The following KANK1 variants were observed in gnomAD, a reference collection of about 807,000 sequenced individuals.
KANK1 encodes KN motif and ankyrin repeat domain-containing protein 1.
KANK1 carries 109 observed loss-of-function variants against 106.2 expected under a neutral mutation model. The observed-to-expected ratio is 1.03, with a 90% CI of 0.88 to 1.20. KANK1 has a LOEUF of 1.20. Ranked by LOEUF, KANK1 falls within the 50% of genes most tolerant of loss-of-function variation. KANK1 has a pLI of 0.00. For synonymous variants in KANK1, 873 were observed against 652.2 expected, an observed-to-expected ratio of 1.34 and a Z score of -5.16; for missense variants, 2,399 against 1,710.7, an observed-to-expected ratio of 1.40 and a Z score of -7.10.
chr9:651,942 T>C (rs1840969997), intron 1 of KANK1, among the ~76,000 whole-genome samples: 1 of 152,218 alleles, frequency 6.6e-6, no homozygotes, highest in South Asian at 2.1e-4. Flanking sequence ...CTGGGATTTT[T>C]GAAACATTGT....
rs1564092313 is a variant in KANK1, at chr9:727,679, C to CGTGTGTGT, written c.2699-2372_2699-2371insGTGTGTGT. Among the ~76,000 whole-genome samples, 575 of 121,898 alleles carry CGTGTGTGT rather than the reference C, an allele frequency of 4.7e-3. 7 individuals are homozygous for CGTGTGTGT. Among genetic ancestry groups the CGTGTGTGT allele is most frequent in the East Asian group, 0.043 (175 of 4,066 alleles). The allele number at this position is 121,898 out of a possible 152,430, so 80.0% of individuals were successfully genotyped here. A position where few individuals can be genotyped will look rare whatever the true frequency, so the allele number is the denominator to read the frequency against. On this transcript the variant is annotated intron_variant, in intron 3 of 11. Transcript: ENST00000382297. Reference sequence around the variant, plus strand: ...TTTAGCACAGAGTCAGATAACTTTTCATGTGTGTGTGTGTGTGTGTGTGTG... The same window carrying CGTGTGTGT: ...TTTAGCACAGAGTCAGATAACTTTTCGTGTGTGTATGTGTGTGTGTGTGTGTGTGTGTG...
At chr9:620,485 C>T (rs181402525) in intron 1 of KANK1, among the ~76,000 whole-genome samples, 2 of 152,118 alleles carry the variant, frequency 1.3e-5, no homozygotes, top group Non-Finnish European at 2.9e-5. Context: ...TCACGGCAAC[C>T]TACACCTCCC....
intron 2 of KANK1, among the ~76,000 whole-genome samples, chr9:689,654 T>G (rs1819412010): frequency 6.6e-6 from 1 of 152,186 alleles, no homozygotes. Flanking sequence ...GCCTTGGTGC[T>G]GTGGAAAGGG....
intron 1 of KANK1, among the ~76,000 whole-genome samples, chr9:568,585 G>C (rs189622351): frequency 6.6e-6 from 1 of 152,102 alleles, no homozygotes; most frequent in Admixed American, 6.6e-5. Context: ...AAACTCCTGG[G>C]CTCAAGCTAT....
chr9:582,973 C>G (rs1822542519), intron 1 of KANK1, among the ~76,000 whole-genome samples: 1 of 152,160 alleles, frequency 6.6e-6, no homozygotes, highest in African/African-American at 2.4e-5. Flanking sequence ...GCCTTGGCTC[C>G]TAGCCAAAAA....
In KANK1 at chr9:527,597, G is replaced by A. The variant is rs1001978683; in HGVS notation, c.-84+22843G>A. Among the ~76,000 whole-genome samples the A allele has an allele frequency of 4.6e-5, 7 of 151,606 alleles. 1 individual carries two copies. In the East Asian group the frequency reaches 5.8e-4, roughly 13 times the overall value. On this transcript the variant is annotated intron_variant, in intron 1 of 11. Transcript: ENST00000382297. ...ATTACAGGTGTAAGCCACTACACTC[G>A]GCTGCTCTCTGGTCTTGGTAGAGAG...
chr9:510,054 C>T (rs1270853005), intron 1 of KANK1, among the ~76,000 whole-genome samples: 1 of 151,800 alleles, frequency 6.6e-6, no homozygotes, highest in Admixed American at 6.6e-5. Context: ...TCAAACAATC[C>T]TCCCTCCTTG....
At chr9:660,611 C>G (rs1843076855) in intron 1 of KANK1, among the ~76,000 whole-genome samples, 1 of 152,132 alleles carries the variant, frequency 6.6e-6, no homozygotes, top group Admixed American at 6.5e-5. Flanking sequence ...ACCTAGACCC[C>G]TAAGATCATA....
intron 1 of KANK1, among the ~76,000 whole-genome samples, chr9:673,317 C>T (rs1179449871): frequency 7.0e-6 from 1 of 142,890 alleles, no homozygotes; most frequent in Non-Finnish European, 1.5e-5. Context: ...TCAAGTGATT[C>T]TTGTGCCTCA....
At chr9:600,377 C>G (rs533517002) in intron 1 of KANK1, among the ~76,000 whole-genome samples, 1 of 151,804 alleles carries the variant, frequency 6.6e-6, no homozygotes, top group South Asian at 2.1e-4. Context: ...TCATTCCTTT[C>G]TAAGGCTGAA....
chr9:564,024 C>T (rs1193433239), intron 1 of KANK1, among the ~76,000 whole-genome samples: 9 of 151,542 alleles, frequency 5.9e-5, no homozygotes, highest in Non-Finnish European at 1.0e-4. Context: ...TAACTTCTCG[C>T]GTCTGTCTCC....
intron 1 of KANK1, among the ~76,000 whole-genome samples, chr9:542,852 C>T (rs929020099): frequency 6.6e-6 from 1 of 152,192 alleles, no homozygotes; most frequent in Non-Finnish European, 1.5e-5. Flanking sequence ...CAAACTCTCA[C>T]AGAAGCTGAG....
intron 1 of KANK1, among the ~76,000 whole-genome samples, chr9:571,725 G>C (rs567957937): frequency 1.3e-5 from 2 of 152,204 alleles, no homozygotes; most frequent in Non-Finnish European, 2.9e-5. Context: ...GGACTATAGA[G>C]TCTCAGCTGA....
chr9:532,461 A>G (rs2060108956), intron 1 of KANK1, among the ~76,000 whole-genome samples: 1 of 145,646 alleles, frequency 6.9e-6, no homozygotes, highest in Non-Finnish European at 1.5e-5. Flanking sequence ...CACCATCATC[A>G]CCATCCATCT....
At chr9:620,239 C>G (rs1168591866) in intron 1 of KANK1, among the ~76,000 whole-genome samples, 2 of 152,008 alleles carry the variant, frequency 1.3e-5, no homozygotes, top group Non-Finnish European at 2.9e-5. Context: ...GTGCATCGTA[C>G]CCTCTATTAC....
intron 1 of KANK1, among the ~76,000 whole-genome samples, chr9:602,365 C>T (rs201685615): frequency 2.0e-5 from 3 of 151,656 alleles, no homozygotes; most frequent in Admixed American, 2.0e-4. Flanking sequence ...GTTCAAGCGA[C>T]TCTCCTGCCT....
chr9:474,785 C>T (rs1157497373), intron 3 of KANK1, among the ~76,000 whole-genome samples: 1 of 152,148 alleles, frequency 6.6e-6, no homozygotes, highest in African/African-American at 2.4e-5. Flanking sequence ...ACATTGGTGG[C>T]AGGGTGACAA....
At chr9:692,338 TGG>T in intron 2 of KANK1, among the ~76,000 whole-genome samples, 1 of 151,110 alleles carries the variant, frequency 6.6e-6, no homozygotes, top group East Asian at 2.0e-4. Context: ...GGCACTTATT[TGG>T]GCTTGGGGCT....
Position 655,795 on chromosome 9 carries a change from C to G in KANK1, c.-83-21095C>G, listed in dbSNP as rs141025842. Among the ~76,000 whole-genome samples, 379 of 152,328 alleles carry G rather than the reference C, an allele frequency of 2.5e-3. 7 individuals are homozygous for G. In the East Asian group the frequency reaches 0.029, roughly 12 times the overall value. ...TATTTTGCCATTAATGACTATTTCC[C>G]TTCCCTTGATGGCTAAAACGTTTTG... On this transcript the variant is annotated intron_variant, in intron 1 of 11. Coordinates refer to ENST00000382297, the MANE Select transcript of KANK1 (RefSeq NM_015158.5).
Sources: allele counts gnomAD v4.1 joint callset (sites outside exome capture counted in the v4.1 genomes callset), GRCh38; gene constraint gnomAD v4.1.1; transcripts MANE v1.5; gene names NCBI Gene and HGNC (gene_info 2026-07-23, HGNC 2026-07-21).